The following POMGNT1 variants were observed in gnomAD, a reference collection of about 807,000 sequenced individuals.
POMGNT1 encodes protein O-linked mannose N-acetylglucosaminyltransferase 1 (beta 1,2-).
In POMGNT1, 67 loss-of-function variants were observed where a neutral mutation model predicts 95.6. The ratio of observed to expected loss-of-function variants is 0.70; its 90% CI spans 0.58 to 0.86. POMGNT1 has a LOEUF of 0.86. POMGNT1 is among the 40% of genes least tolerant of loss of function. The pLI is 0.00. For missense variants in POMGNT1, 719 were observed against 855.2 expected, an observed-to-expected ratio of 0.84 and a Z score of 1.99; for synonymous variants, 298 against 317.9, an observed-to-expected ratio of 0.94 and a Z score of 0.66.
In POMGNT1 at chr1:46,195,997, C is replaced by G. The variant is rs1465823772; in HGVS notation, c.420+15G>C. 1 of 1,614,108 alleles carries G rather than the reference C, an allele frequency of 6.2e-7. No homozygotes were observed. Among genetic ancestry groups the G allele is most frequent in the Admixed American group, 1.7e-5 (1 of 60,022 alleles). ...CAGCTCCAGCCCTCTGGGTCACCCACCCCTAGAAACTCACCGTGGCCTGGT... is the reference window on the plus strand; with the variant it reads ...CAGCTCCAGCCCTCTGGGTCACCCAGCCCTAGAAACTCACCGTGGCCTGGT... On this transcript the variant is annotated intron_variant, in intron 5 of 21. Transcript: ENST00000371984.
At chr1:46,214,556 G>GAAAA (rs1659004442) in intron 1 of POMGNT1, among the ~76,000 whole-genome samples, 1 of 151,844 alleles carries the variant, frequency 6.6e-6, no homozygotes, top group South Asian at 2.1e-4. Flanking sequence ...GCGGGGAAAA[G>GAAAA]AAAAAAGAAA....
chr1:46,220,025 A>G, exon 1 of POMGNT1: 1 of 1,614,246 alleles, frequency 6.2e-7, no homozygotes, highest in East Asian at 2.2e-5. Context: ...CAAAAGTTAT[A>G]GCTGGTGGAG....
At chr1:46,207,890 G>A (rs1354766265) in intron 1 of POMGNT1, among the ~76,000 whole-genome samples, 1 of 145,458 alleles carries the variant, frequency 6.9e-6, no homozygotes, top group East Asian at 2.1e-4. Context: ...TTTTTGACAC[G>A]GAGTTTCGTT....
In POMGNT1 at chr1:46,196,692, A is replaced by G; in HGVS notation, c.354+39T>C. 2 of 1,613,832 alleles carry G rather than the reference A, an allele frequency of 1.2e-6. No individual in the cohort carries two copies. Among genetic ancestry groups the G allele is most frequent in the Non-Finnish European group, 1.7e-6 (2 of 1,180,026 alleles). ...GCTGCCAGTGGACCATGCCCTGAGC[A>G]GAATAGAGTGACTGTACACCAGACC... On this transcript the variant is annotated intron_variant, in intron 4 of 21. Coordinates refer to ENST00000371984, the MANE Select transcript of POMGNT1 (RefSeq NM_017739.4). The surrounding 1 kb of genome is among the most constrained non-coding windows in gnomAD (Gnocchi z 4.4).
At chr1:46,199,272 A>G (rs1658464734), upstream of POMGNT1, among the ~76,000 whole-genome samples, 2 of 152,206 alleles carry the variant, frequency 1.3e-5, no homozygotes, top group African/African-American at 2.4e-5. Context: ...TGTCGCAGAT[A>G]AAGAAATAAG....
chr1:46,213,588 A>G (rs762349731), intron 1 of POMGNT1, among the ~76,000 whole-genome samples: 1 of 151,996 alleles, frequency 6.6e-6, no homozygotes, highest in Non-Finnish European at 1.5e-5. Context: ...GCCAGGCACA[A>G]TGGCTTACGC....
At chr1:46,202,592 G>T (rs888688905), upstream of POMGNT1, among the ~76,000 whole-genome samples, 1 of 151,120 alleles carries the variant, frequency 6.6e-6, no homozygotes. Flanking sequence ...CTACTCAGGA[G>T]GCAGAGGCAG....
chr1:46,214,981 C>CTT (rs2148250066), intron 1 of POMGNT1, among the ~76,000 whole-genome samples: 1 of 151,144 alleles, frequency 6.6e-6, no homozygotes, highest in Non-Finnish European at 1.5e-5. Context: ...AATCCCAGCA[C>CTT]TTTGAGAGGC....
chr1:46,196,135 T>C lies in POMGNT1; in HGVS notation c.355-58A>G. 8 of 1,612,128 alleles carry C rather than the reference T, an allele frequency of 5.0e-6. No homozygotes were observed. The highest frequency in any genetic ancestry group is 6.8e-6 in the Non-Finnish European group (8 of 1,179,814). On this transcript the variant is annotated intron_variant, in intron 4 of 21. Coordinates refer to ENST00000371984, the MANE Select transcript of POMGNT1 (RefSeq NM_017739.4). This position sits in a 1 kb window ranked among gnomAD's most constrained non-coding sequence, Gnocchi z 4.4. ...CACTCTGGCATTCAAGGTGTCTCTG[T>C]CTTAGGGGTACTTAAAACACCAGCT... is the stretch of plus-strand genomic sequence containing the variant.
chr1:46,189,646 C>T (rs901088791), intron 20 of POMGNT1, 79 bp from the exon 21 acceptor site: 4 of 1,558,888 alleles, frequency 2.6e-6, no homozygotes, highest in Non-Finnish European at 3.5e-6. Context: ...TTGGCCCAGC[C>T]CCCACCCCTC....
chr1:46,216,316 G>A (rs988677203), intron 1 of POMGNT1, among the ~76,000 whole-genome samples: 1 of 151,748 alleles, frequency 6.6e-6, no homozygotes, highest in Non-Finnish European at 1.5e-5. Flanking sequence ...AAAGTGCTGG[G>A]ATTACAGGCA....
upstream of POMGNT1, chr1:46,203,355 C>A (rs1658606147): frequency 1.5e-6 from 2 of 1,368,226 alleles, no homozygotes; most frequent in Non-Finnish European, 1.9e-6. Context: ...GCTTTAGCAG[C>A]GGCGAAGGGA....
intron 16 of POMGNT1, 40 bp downstream of exon 16, chr1:46,192,268 G>A (rs372656491): frequency 3.7e-6 from 6 of 1,614,168 alleles, no homozygotes; most frequent in Non-Finnish European, 5.1e-6. Flanking sequence ...TTTCGAGTTG[G>A]TAGGGGACTC....
chr1:46,204,882 C>T (rs1484024970), intron 1 of POMGNT1, among the ~76,000 whole-genome samples: 4 of 152,234 alleles, frequency 2.6e-5, no homozygotes, highest in Admixed American at 2.0e-4. Flanking sequence ...AGTGCATGTG[C>T]CAGGCAGCTT....
rs765314886 is a variant in POMGNT1 at position 46,194,863 on chromosome 1, G to A, written c.633C>T (p.Ala211=). The stretch of plus-strand genomic sequence containing the variant: ...CGGCACCTCCTTTTCGTCCCACGAA[G>A]GCCCATGTGTCCCTCCAGCCCAGGG... ...GPALGWRDTW[A]FVGRKGGPVF... is the part of the protein sequence containing the mutation. The change falls in exon 7 of 22, where the codon GCC becomes GCT. Residue 211 remains alanine (A), a synonymous_variant. Transcript: ENST00000371984. 3.1e-6 allele frequency: 5 copies of A among 1,613,922 alleles called. No individual in the cohort carries two copies. The highest frequency in any genetic ancestry group is 1.7e-5 in the Admixed American group (1 of 60,008).
At chr1:46,216,043 C>CTTTTTTTTTTTTTTTTTTTTTTTTTT in intron 1 of POMGNT1, among the ~76,000 whole-genome samples, 1 of 92,540 alleles carries the variant, frequency 1.1e-5, no homozygotes, top group Non-Finnish European at 1.9e-5. Context: ...TTTATTTTAT[C>CTTTTTTTTTTTTTTTTTTTTTTTTTT]TTTTTTTTTT....
intron 1 of POMGNT1, among the ~76,000 whole-genome samples, chr1:46,213,833 T>C (rs1658978147): frequency 6.6e-6 from 1 of 151,578 alleles, no homozygotes; most frequent in African/African-American, 2.4e-5. Context: ...TAGAGTGGTA[T>C]AATATGGGGA....
intron 1 of POMGNT1, among the ~76,000 whole-genome samples, chr1:46,207,601 C>T (rs1465269842): frequency 1.3e-5 from 2 of 149,770 alleles, no homozygotes; most frequent in African/African-American, 4.9e-5. Context: ...TGCAGTGGTG[C>T]GATCTCGGCT....
At chr1:46,216,529 A>T (rs540480935) in intron 1 of POMGNT1, among the ~76,000 whole-genome samples, 101 of 152,150 alleles carry the variant, frequency 6.6e-4, no homozygotes, top group African/African-American at 2.4e-3. Context: ...TTTTGTAGAG[A>T]CAGTGTCTCA....
Sources: gnomAD v4.1 joint callset for allele counts (sites outside exome capture counted in the v4.1 genomes callset) on GRCh38, gnomAD v4.1.1 for gene constraint, Gnocchi (gnomAD v3.1) non-coding constraint, MANE v1.5 for transcripts, NCBI Gene and HGNC (gene_info 2026-07-23, HGNC 2026-07-21) for gene names.